Variants in IFNLR1 observed in about 807,000 individuals in gnomAD.
The protein encoded by IFNLR1 is CRF2-12.
IFNLR1 carries 28 observed loss-of-function variants against 52.5 expected under a neutral mutation model. That is an observed-to-expected ratio of 0.53 (90% CI 0.40 to 0.73). The LOEUF is 0.73. Ranked by LOEUF, IFNLR1 falls within the 30% of genes least tolerant of loss-of-function variation. IFNLR1 has a pLI of 0.00. For synonymous variants in IFNLR1, 276 were observed against 274.9 expected (o/e 1.00, Z -0.04); for missense variants, 623 against 659.1 (o/e 0.95, Z 0.60).
At chr1:24,169,279 G>C in intron 3 of IFNLR1, 138 bp downstream of exon 3, 1 of 754,320 alleles carries the variant, frequency 1.3e-6, no homozygotes, top group Non-Finnish European at 2.1e-6. Context: ...CCATCTCAAA[G>C]GGCCTGGCCC....
At chr1:24,175,373 A>G (rs1644621740) in intron 2 of IFNLR1, among the ~76,000 whole-genome samples, 1 of 152,270 alleles carries the variant, frequency 6.6e-6, no homozygotes, top group Non-Finnish European at 1.5e-5. Context: ...CTTGAAACTT[A>G]AAATCTAATG....
rs1282295350 is a variant in IFNLR1, at chr1:24,187,271, C to G, written c.-23G>C. On this transcript the variant is annotated 5_prime_UTR_variant, in exon 1 of 7. Coordinates refer to ENST00000327535, the MANE Select transcript of IFNLR1 (RefSeq NM_170743.4). ...CATGGCCTTCCTGCCGCGGCGTCCC[C>G]GCCCGGGCCCAGGTCCCCGCCTCCC... is the stretch of plus-strand genomic sequence containing the variant. 1.6e-6 allele frequency: 2 copies of G among 1,262,826 alleles called. No homozygotes were observed. Among genetic ancestry groups the G allele is most frequent in the Non-Finnish European group, 2.0e-6 (2 of 1,002,758 alleles). 78.2% of individuals were successfully genotyped at this position (1,262,826 alleles called of 1,614,324 possible).
At chr1:24,166,784 C>T (rs1291316799) in intron 3 of IFNLR1, among the ~76,000 whole-genome samples, 1 of 151,672 alleles carries the variant, frequency 6.6e-6, no homozygotes, top group African/African-American at 2.4e-5. Flanking sequence ...AACTCCTAGG[C>T]TCAAGTGATC....
chr1:24,162,902 TCC>T lies in IFNLR1; in HGVS notation c.368-1220_368-1219del, dbSNP rs59039578. ...TTCCTTCCTTCCTTCCTTCCTTCCT[TCC>T]TTCCTTCCTTCCTTTTCTTTCTTTT... On this transcript the variant is annotated intron_variant, in intron 3 of 6. Transcript: ENST00000327535. 3.5e-3 allele frequency among the ~76,000 whole-genome samples: 340 copies of T among 97,480 alleles called. 15 individuals carry two copies. Among genetic ancestry groups the T allele is most frequent in the African/African-American group, 0.012 (280 of 22,426 alleles). 64.0% of individuals were successfully genotyped at this position (97,480 alleles called of 152,430 possible).
chr1:24,164,759 CTTTT>C (rs61550265), intron 3 of IFNLR1, among the ~76,000 whole-genome samples: 83 of 140,540 alleles, frequency 5.9e-4, no homozygotes, highest in African/African-American at 1.1e-3. Context: ...GGAGCAATCT[CTTTT>C]TTTTTTTTTT....
intron 2 of IFNLR1, among the ~76,000 whole-genome samples, chr1:24,169,991 C>G (rs978500344): frequency 1.3e-5 from 2 of 152,332 alleles, no homozygotes; most frequent in Admixed American, 1.3e-4. Flanking sequence ...TGCCAAGGAC[C>G]ATGATAGGTA....
In IFNLR1 at chr1:24,169,733, C is replaced by T. The variant is rs1057505650; in HGVS notation, c.183-132G>A. On this transcript the variant is annotated intron_variant, in intron 2 of 6. Coordinates refer to ENST00000327535, the MANE Select transcript of IFNLR1 (RefSeq NM_170743.4). The stretch of plus-strand genomic sequence containing the variant: ...AGGTCCATCCGTCCAGACAGGCAGC[C>T]ACTGGCTGAGACAGGATAAGAACAG... 1.1e-4 allele frequency: 97 copies of T among 907,724 alleles called. No individual in the cohort carries two copies. The Middle Eastern group carries it at 1.4e-3, about 13-fold the overall frequency. The allele number at this position is 907,724 out of a possible 1,614,324, so 56.2% of individuals were successfully genotyped here. A position where few individuals can be genotyped will look rare whatever the true frequency, so the allele number is the denominator to read the frequency against.
At chr1:24,172,689 A>C (rs189813032) in intron 2 of IFNLR1, among the ~76,000 whole-genome samples, 275 of 152,310 alleles carry the variant, frequency 1.8e-3, no homozygotes, top group Non-Finnish European at 3.5e-3. Flanking sequence ...GGACACCAAA[A>C]GCGTTAACTG....
chr1:24,181,920 C>A (rs909349361), intron 1 of IFNLR1, among the ~76,000 whole-genome samples: 1 of 152,088 alleles, frequency 6.6e-6, no homozygotes, highest in South Asian at 2.1e-4. Context: ...TTTCATGGGC[C>A]GGGCGCAGTG....
chr1:24,179,848 G>A (rs150777407), intron 2 of IFNLR1, among the ~76,000 whole-genome samples: 1 of 152,102 alleles, frequency 6.6e-6, no homozygotes, highest in African/African-American at 2.4e-5. Context: ...GAATCCTCCC[G>A]AGCTTCTGCT....
rs79008358 is a variant in IFNLR1, at chr1:24,183,031, A to G, written c.59-2177T>C. ...CAGCTTTACCTACTTCTGCAGGTTCATCCAAGCCCAGATATTACTGAACGA... is the reference window on the plus strand; with the variant it reads ...CAGCTTTACCTACTTCTGCAGGTTCGTCCAAGCCCAGATATTACTGAACGA... On this transcript the variant is annotated intron_variant, in intron 1 of 6. Transcript: ENST00000327535. 1.2e-3 allele frequency among the ~76,000 whole-genome samples: 178 copies of G among 152,326 alleles called. 1 individual carries two copies. The East Asian group carries it at 0.029, about 25-fold the overall frequency.
chr1:24,179,554 A>G (rs1457041025), intron 2 of IFNLR1, among the ~76,000 whole-genome samples: 1 of 152,194 alleles, frequency 6.6e-6, no homozygotes. Context: ...GATTCCACAC[A>G]TGGAAGGATG....
chr1:24,177,253 G>A (rs1441167967), intron 2 of IFNLR1, among the ~76,000 whole-genome samples: 1 of 152,134 alleles, frequency 6.6e-6, no homozygotes, highest in East Asian at 1.9e-4. Context: ...TGGCTCACAC[G>A]ATCACAAGGC....
chr1:24,175,775 A>G (rs1644625735), intron 2 of IFNLR1, among the ~76,000 whole-genome samples: 2 of 152,138 alleles, frequency 1.3e-5, no homozygotes, highest in South Asian at 4.1e-4. Context: ...TCTACTAAAA[A>G]TATAAAAAAT....
At chr1:24,170,281 T>G (rs1435572476) in intron 2 of IFNLR1, among the ~76,000 whole-genome samples, 3 of 152,234 alleles carry the variant, frequency 2.0e-5, no homozygotes, top group East Asian at 3.8e-4. Context: ...TAGCAATTAT[T>G]AGAATTACAC....
At chr1:24,179,566 C>T (rs1431904257) in intron 2 of IFNLR1, among the ~76,000 whole-genome samples, 2 of 152,198 alleles carry the variant, frequency 1.3e-5, no homozygotes, top group African/African-American at 4.8e-5. Flanking sequence ...GGAAGGATGA[C>T]GTGATGCAAC....
At chr1:24,180,675 A>AG in intron 2 of IFNLR1, 56 bp downstream of exon 2, 49 of 385,892 alleles carry the variant, frequency 1.3e-4, no homozygotes, top group South Asian at 2.3e-4. Context: ...AAGCCCCTCC[A>AG]GCCCCCACCC....
At chr1:24,180,378 C>T (rs1276918576) in intron 2 of IFNLR1, among the ~76,000 whole-genome samples, 1 of 152,042 alleles carries the variant, frequency 6.6e-6, no homozygotes, top group Non-Finnish European at 1.5e-5. Flanking sequence ...TGCTGTGTAC[C>T]TAGTTGCCTC....
chr1:24,187,090 G>A, intron 1 of IFNLR1, 101 bp downstream of exon 1: 1 of 729,174 alleles, frequency 1.4e-6, no homozygotes, highest in Non-Finnish European at 2.0e-6. Flanking sequence ...TCGGGTGGCT[G>A]CGGACCCCGT....
Sources: allele counts gnomAD v4.1 joint callset (sites outside exome capture counted in the v4.1 genomes callset), GRCh38; gene constraint gnomAD v4.1.1; transcripts MANE v1.5; gene names NCBI Gene and HGNC (gene_info 2026-07-23, HGNC 2026-07-21).